TTC3: variants seen among roughly 807,000 people sequenced by gnomAD.
TTC3 encodes the protein tetratricopeptide repeat domain 3, also known as E3 ubiquitin-protein ligase TTC3.
TTC3 carries 180 observed loss-of-function variants against 249.6 expected under a neutral mutation model. The ratio of observed to expected loss-of-function variants is 0.72; its 90% CI spans 0.64 to 0.82. The LOEUF is 0.82. Among genes scored for constraint, TTC3 ranks in the 40% least tolerant of loss-of-function variants. The probability of loss-of-function intolerance (pLI) is 0.00; values close to 1 mark genes in which losing one functional copy is unlikely to be tolerated. For synonymous variants in TTC3, 717 were observed against 805.0 expected, an observed-to-expected ratio of 0.89 and a Z score of 1.85; for missense variants, 2,061 against 2,398.4, an observed-to-expected ratio of 0.86 and a Z score of 2.94.
At chr21:37,167,524 A>C (rs2081355466) in intron 33 of TTC3, 31 bp from the exon 34 acceptor site, 2 of 1,420,820 alleles carry the variant, frequency 1.4e-6, no homozygotes, top group South Asian at 2.4e-5. Flanking sequence ...GATTGAGATA[A>C]AGTGAATTTT....
chr21:37,119,002 C>T (rs900868035), intron 11 of TTC3, among the ~76,000 whole-genome samples: 1 of 152,150 alleles, frequency 6.6e-6, no homozygotes, highest in Non-Finnish European at 1.5e-5. Context: ...TCCTTGTCTA[C>T]TAATCTGTGT....
chr21:37,092,229 A>G (rs1407836346), intron 7 of TTC3, among the ~76,000 whole-genome samples: 1 of 152,234 alleles, frequency 6.6e-6, no homozygotes, highest in Non-Finnish European at 1.5e-5. Flanking sequence ...TTTTCAGTAG[A>G]TGATGACCAA....
chr21:37,159,016 T>C (rs997767503), intron 28 of TTC3, among the ~76,000 whole-genome samples: 3 of 152,214 alleles, frequency 2.0e-5, no homozygotes, highest in Non-Finnish European at 4.4e-5. Context: ...TAACATTCTG[T>C]TAACTATTCA....
intron 42 of TTC3, among the ~76,000 whole-genome samples, chr21:37,196,967 A>G (rs2084978466): frequency 1.3e-5 from 2 of 152,212 alleles, no homozygotes; most frequent in African/African-American, 4.8e-5. Flanking sequence ...TCCGCTGTTC[A>G]GGTTGTTACG....
chr21:37,119,897 G>A (rs1372026054), intron 11 of TTC3, among the ~76,000 whole-genome samples: 3 of 152,172 alleles, frequency 2.0e-5, no homozygotes, highest in Non-Finnish European at 4.4e-5. Context: ...GCAAACTGAT[G>A]TCATGAGTAG....
At chr21:37,172,816 T>C (rs2148111858) in intron 35 of TTC3, 72 bp downstream of exon 35, 1 of 1,552,392 alleles carries the variant, frequency 6.4e-7, no homozygotes, top group Non-Finnish European at 8.7e-7. Flanking sequence ...GCTGTGCTTG[T>C]GCGGCCTCAG....
exon 29 of TTC3, chr21:37,159,723 A>G (rs750573644): frequency 1.2e-6 from 2 of 1,613,838 alleles, no homozygotes; most frequent in Middle Eastern, 1.6e-4. Context: ...GTGTTAAGGA[A>G]ACAAGATAGT....
At chr21:37,127,974 G>C (rs1200473471) in intron 15 of TTC3, among the ~76,000 whole-genome samples, 1 of 152,042 alleles carries the variant, frequency 6.6e-6, no homozygotes. Context: ...TATTTCTCAG[G>C]CCATTACTAT....
chr21:37,127,091 G>A (rs2077094926), intron 15 of TTC3, among the ~76,000 whole-genome samples: 1 of 152,184 alleles, frequency 6.6e-6, no homozygotes. Flanking sequence ...TTGGCTTCAA[G>A]CAATCCTCTC....
intron 8 of TTC3, 91 bp downstream of exon 8, chr21:37,094,181 C>T (rs768124892): frequency 1.5e-5 from 9 of 581,254 alleles, no homozygotes; most frequent in Non-Finnish European, 2.5e-5. Context: ...TGACAATATA[C>T]AATTCATAAA....
At chr21:37,108,467 A>G (rs1412259908) in intron 11 of TTC3, 21 bp downstream of exon 11, 19 of 1,605,234 alleles carry the variant, frequency 1.2e-5, no homozygotes, top group Non-Finnish European at 1.6e-5. Context: ...TCTGTATTTT[A>G]TATTGAGCAA....
chr21:37,192,031 T>C (rs924106122), intron 40 of TTC3, 81 bp from the exon 41 acceptor site: 15 of 853,712 alleles, frequency 1.8e-5, no homozygotes, highest in Non-Finnish European at 2.6e-5. Flanking sequence ...AAGACAGTTA[T>C]GTTTCATTTA....
chr21:37,201,032 G>A (rs1220338443), intron 45 of TTC3, among the ~76,000 whole-genome samples: 7 of 152,336 alleles, frequency 4.6e-5, no homozygotes, highest in Non-Finnish European at 1.0e-4. Context: ...GGAGTGTGGC[G>A]TGCAGGCTGG....
intron 23 of TTC3, among the ~76,000 whole-genome samples, chr21:37,148,871 G>C (rs2147999960): frequency 6.6e-6 from 1 of 152,234 alleles, no homozygotes; most frequent in East Asian, 1.9e-4. Context: ...GTGTTGCCCA[G>C]GCTAGAGTGC....
exon 42 of TTC3, chr21:37,195,844 C>T (rs1448011060): frequency 1.1e-5 from 18 of 1,614,268 alleles, no homozygotes; most frequent in Non-Finnish European, 1.5e-5. Flanking sequence ...GGGCCACCCC[C>T]TGGTCAGCCT....
chr21:37,090,899 A>T (rs1465805964), intron 6 of TTC3, among the ~76,000 whole-genome samples: 2 of 152,100 alleles, frequency 1.3e-5, no homozygotes, highest in East Asian at 1.9e-4. Context: ...TTAATCTATA[A>T]ATTTAACCTT....
intron 35 of TTC3, among the ~76,000 whole-genome samples, chr21:37,179,660 A>G (rs1049666429): frequency 2.6e-5 from 4 of 152,158 alleles, no homozygotes; most frequent in Non-Finnish European, 5.9e-5. Flanking sequence ...TCTTGAAAGT[A>G]AGGACTGTTT....
chr21:37,108,706 C>G (rs893790239), intron 11 of TTC3, among the ~76,000 whole-genome samples: 2 of 152,094 alleles, frequency 1.3e-5, no homozygotes, highest in African/African-American at 4.8e-5. Flanking sequence ...TCTGCGTATT[C>G]TGGGTGGGTG....
intron 7 of TTC3, among the ~76,000 whole-genome samples, chr21:37,091,994 A>G (rs527621806): frequency 1.3e-5 from 2 of 152,366 alleles, no homozygotes; most frequent in African/African-American, 4.8e-5. Flanking sequence ...TGTTATATGT[A>G]ATACTCAAAG....
Sources: allele counts gnomAD v4.1 joint callset (sites outside exome capture counted in the v4.1 genomes callset), GRCh38; gene constraint gnomAD v4.1.1; transcripts MANE v1.5; gene names NCBI Gene and HGNC (gene_info 2026-07-23, HGNC 2026-07-21).